WDR70: variants seen among roughly 807,000 people sequenced by gnomAD.
WDR70 encodes WD repeat-containing protein 70.
In WDR70, 53 loss-of-function variants were observed where a neutral mutation model predicts 88.6. The observed-to-expected ratio is 0.60, with a 90% CI of 0.48 to 0.75. The LOEUF is 0.75. WDR70 is among the 30% of genes least tolerant of loss of function. The pLI is 0.00. For missense variants in WDR70, 610 were observed against 823.2 expected (o/e 0.74, Z 3.17); for synonymous variants, 280 against 270.0 (o/e 1.04, Z -0.36).
chr5:37,657,927 C>A (rs1234238688), intron 10 of WDR70, among the ~76,000 whole-genome samples: 1 of 152,170 alleles, frequency 6.6e-6, no homozygotes, highest in African/African-American at 2.4e-5. Flanking sequence ...CAGAAATTAA[C>A]CTCTAGTAAC....
At position 37,723,035 on chromosome 5, in the gene WDR70, C is replaced by A. The variant is rs1261493772; in HGVS notation, c.1597+101C>A. Reference sequence around the variant, plus strand: ...ACAGAGAAAGCCCTCAGAATTCAGGCATATATTACAAAATTGCCCATTCAT... The same window carrying A: ...ACAGAGAAAGCCCTCAGAATTCAGGAATATATTACAAAATTGCCCATTCAT... On this transcript the variant is annotated intron_variant, in intron 15 of 17. Coordinates refer to ENST00000265107, the MANE Select transcript of WDR70 (RefSeq NM_018034.4). 3.5e-6 allele frequency: 5 copies of A among 1,427,034 alleles called. No homozygotes were observed. In the African/African-American group the frequency reaches 4.2e-5, roughly 12 times the overall value. The allele number at this position is 1,427,034 out of a possible 1,614,324, so 88.4% of individuals were successfully genotyped here.
intron 3 of WDR70, among the ~76,000 whole-genome samples, chr5:37,390,704 G>GA (rs35042650): frequency 1.0e-4 from 15 of 144,476 alleles, no homozygotes; most frequent in African/African-American, 4.0e-4. Flanking sequence ...AGGAAATTCA[G>GA]AAAAAAAGTG....
intron 17 of WDR70, among the ~76,000 whole-genome samples, chr5:37,747,226 C>G (rs192222531): frequency 1.4e-4 from 21 of 152,228 alleles, no homozygotes; most frequent in Admixed American, 9.2e-4. Flanking sequence ...TCAACAGACA[C>G]TTCTCAAAAG....
chr5:37,404,282 C>G (rs375733886), intron 5 of WDR70, among the ~76,000 whole-genome samples: 1 of 152,064 alleles, frequency 6.6e-6, no homozygotes, highest in East Asian at 1.9e-4. Flanking sequence ...TAGGGTACCT[C>G]TGCAGATTAT....
intron 10 of WDR70, among the ~76,000 whole-genome samples, chr5:37,677,880 G>C (rs1173602483): frequency 2.6e-4 from 39 of 152,164 alleles, no homozygotes; most frequent in Non-Finnish European, 1.3e-4. Flanking sequence ...TCTCTTTGTA[G>C]GTCACTCAGG....
At chr5:37,567,786 T>C (rs1742787233) in intron 9 of WDR70, among the ~76,000 whole-genome samples, 1 of 152,174 alleles carries the variant, frequency 6.6e-6, no homozygotes, top group Admixed American at 6.5e-5. Flanking sequence ...TCTTTGTCTC[T>C]AAAATCCACA....
At chr5:37,386,689 T>C (rs1748627908) in intron 3 of WDR70, among the ~76,000 whole-genome samples, 1 of 152,210 alleles carries the variant, frequency 6.6e-6, no homozygotes, top group Non-Finnish European at 1.5e-5. Context: ...CCCCTAGTAC[T>C]TTGCTTTGTA....
At chr5:37,744,123 G>A (rs938288669) in intron 17 of WDR70, among the ~76,000 whole-genome samples, 16 of 152,110 alleles carry the variant, frequency 1.1e-4, no homozygotes, top group African/African-American at 2.7e-4. Flanking sequence ...GCATGGGAGC[G>A]AATCAGATGA....
chr5:37,449,120 C>G (rs1420348762), intron 7 of WDR70, among the ~76,000 whole-genome samples: 1 of 152,214 alleles, frequency 6.6e-6, no homozygotes, highest in East Asian at 1.9e-4. Flanking sequence ...AAAAATTTGG[C>G]TCCACTTCCT....
intron 10 of WDR70, among the ~76,000 whole-genome samples, chr5:37,663,674 T>C (rs954679045): frequency 2.6e-5 from 4 of 152,166 alleles, no homozygotes; most frequent in Non-Finnish European, 5.9e-5. Context: ...ATAGGGACAA[T>C]AGGCCGGACT....
chr5:37,394,546 T>A lies in WDR70; in HGVS notation c.297-1829T>A, dbSNP rs186878157. Among the ~76,000 whole-genome samples the A allele has an allele frequency of 9.9e-5, 15 of 152,228 alleles. No homozygotes were observed. In the Middle Eastern group the frequency reaches 0.014, roughly 138 times the overall value. ...TTTGAAGGGATAGATAACAGACAAC[T>A]AAATAACCAAATAAAATAACTTAGC... On this transcript the variant is annotated intron_variant, in intron 4 of 17. Coordinates refer to ENST00000265107, the MANE Select transcript of WDR70 (RefSeq NM_018034.4).
At chr5:37,467,738 A>G (rs1739202513) in intron 7 of WDR70, among the ~76,000 whole-genome samples, 1 of 149,146 alleles carries the variant, frequency 6.7e-6, no homozygotes, top group Non-Finnish European at 1.5e-5. Flanking sequence ...TATTTTTTTT[A>G]GAGATGGAGT....
chr5:37,579,000 G>A (rs564080476), intron 9 of WDR70, among the ~76,000 whole-genome samples: 1 of 152,278 alleles, frequency 6.6e-6, no homozygotes, highest in South Asian at 2.1e-4. Flanking sequence ...CCTGTGGTAA[G>A]TGTGTCTTCA....
intron 9 of WDR70, among the ~76,000 whole-genome samples, chr5:37,567,970 A>T (rs1218940639): frequency 2.0e-5 from 3 of 152,176 alleles, no homozygotes; most frequent in Non-Finnish European, 2.9e-5. Flanking sequence ...TTTTAAGCTT[A>T]TCTGTTATTT....
At chr5:37,463,001 T>C (rs911296078) in intron 7 of WDR70, among the ~76,000 whole-genome samples, 12 of 152,170 alleles carry the variant, frequency 7.9e-5, no homozygotes, top group South Asian at 2.1e-4. Flanking sequence ...AGGCCAGGCG[T>C]GGTGGCTCAT....
chr5:37,598,769 G>T (rs995471758), intron 9 of WDR70, among the ~76,000 whole-genome samples: 2 of 152,154 alleles, frequency 1.3e-5, no homozygotes, highest in African/African-American at 4.8e-5. Flanking sequence ...TTGAAACTTG[G>T]AGTGAGATCT....
intron 5 of WDR70, among the ~76,000 whole-genome samples, chr5:37,420,435 G>A (rs370640679): frequency 3.3e-5 from 5 of 151,774 alleles, no homozygotes; most frequent in African/African-American, 1.2e-4. Context: ...AAAAAGATTT[G>A]TTTTTTTCTT....
intron 8 of WDR70, among the ~76,000 whole-genome samples, chr5:37,490,017 T>A (rs1372709589): frequency 3.7e-4 from 56 of 151,948 alleles, no homozygotes; most frequent in Admixed American, 3.7e-3. Flanking sequence ...TAGGCTGTGG[T>A]AGGTGGGACG....
At chr5:37,723,011 C>T in intron 15 of WDR70, 77 bp downstream of exon 15, 2 of 1,540,396 alleles carry the variant, frequency 1.3e-6, no homozygotes, top group Non-Finnish European at 1.8e-6. Flanking sequence ...GCTTTAGAGA[C>T]AGAGAAAGCC....
Sources: gnomAD v4.1 joint callset for allele counts (sites outside exome capture counted in the v4.1 genomes callset) on GRCh38, gnomAD v4.1.1 for gene constraint, MANE v1.5 for transcripts, NCBI Gene and HGNC (gene_info 2026-07-23, HGNC 2026-07-21) for gene names.